The following CLVS2 variants were observed in gnomAD, a reference collection of about 807,000 sequenced individuals.
CLVS2 encodes clavesin-2.
Under a neutral mutation model 29.0 loss-of-function variants are expected in CLVS2, and 19 were observed. The ratio of observed to expected loss-of-function variants is 0.66; its 90% CI spans 0.46 to 0.96. The LOEUF (loss-of-function observed/expected upper bound fraction) is 0.96. CLVS2 is among the 40% of genes least tolerant of loss of function. The probability of loss-of-function intolerance (pLI) is 0.00; values close to 1 mark genes in which losing one functional copy is unlikely to be tolerated. For missense variants in CLVS2, 294 were observed against 404.1 expected (o/e 0.73, Z 2.34); for synonymous variants, 161 against 151.3 (o/e 1.06, Z -0.47).
chr6:123,053,506 A>G (rs1244576399), intron 4 of CLVS2, among the ~76,000 whole-genome samples: 3 of 152,340 alleles, frequency 2.0e-5, no homozygotes, highest in South Asian at 4.1e-4. Context: ...TTAAAGATAT[A>G]TAAGGACTGG....
chr6:123,022,690 C>T (rs1774940972), intron 3 of CLVS2, among the ~76,000 whole-genome samples: 1 of 151,900 alleles, frequency 6.6e-6, no homozygotes, highest in Non-Finnish European at 1.5e-5. Flanking sequence ...CAAATAAATG[C>T]AACCAGCCTT....
chr6:123,020,999 G>A (rs550614647), intron 3 of CLVS2, among the ~76,000 whole-genome samples: 5 of 148,012 alleles, frequency 3.4e-5, no homozygotes, highest in South Asian at 2.2e-4. Flanking sequence ...CTTTTGTTTC[G>A]TTAGACTCAA....
In CLVS2 at chr6:123,066,776, T is replaced by C. The variant is rs1772863476; in HGVS notation, c.*3015T>C. ...AACGTTACTGGCATATGGATTTTATTTGTACTCTCTTCCAAAAAGTAAATA... is the reference window on the plus strand; with the variant it reads ...AACGTTACTGGCATATGGATTTTATCTGTACTCTCTTCCAAAAAGTAAATA... On this transcript the variant is annotated 3_prime_UTR_variant, in exon 6 of 6. Transcript: ENST00000275162. 1 of 151,760 alleles carries C rather than the reference T, an allele frequency of 6.6e-6. No individual in the cohort carries two copies. The highest frequency in any genetic ancestry group is 2.4e-5 in the African/African-American group (1 of 41,418). 9.4% of individuals were successfully genotyped at this position (151,760 alleles called of 1,614,324 possible). A position where few individuals can be genotyped will look rare whatever the true frequency, so the allele number is the denominator to read the frequency against.
intron 3 of CLVS2, among the ~76,000 whole-genome samples, chr6:123,038,696 T>A (rs1421461342): frequency 6.6e-6 from 1 of 152,148 alleles, no homozygotes; most frequent in South Asian, 2.1e-4. Context: ...ATATTGTATA[T>A]TGATTTTTTT....
At chr6:123,042,730 C>CA (rs1775250759) in intron 3 of CLVS2, among the ~76,000 whole-genome samples, 1 of 152,112 alleles carries the variant, frequency 6.6e-6, no homozygotes, top group African/African-American at 2.4e-5. Context: ...GTCAGGAAGG[C>CA]AAGTGAATGG....
Position 122,996,534 on chromosome 6 carries a change from G to A in CLVS2, c.-772G>A, listed in dbSNP as rs1210171849. 6.5e-6 allele frequency: 1 copy of A among 152,834 alleles called. No individual in the cohort carries two copies. The highest frequency in any genetic ancestry group is 1.5e-5 in the Non-Finnish European group (1 of 68,216). 9.5% of individuals were successfully genotyped at this position (152,834 alleles called of 1,614,324 possible). ...CTGCGATCCTCACCCCTCCTGCTAG[G>A]AGAGGCTGCGGGCTGCCCGCGGACG... On this transcript the variant is annotated 5_prime_UTR_variant, in exon 1 of 6. Transcript: ENST00000275162.
chr6:123,008,368 G>T (rs1430699442), intron 2 of CLVS2, among the ~76,000 whole-genome samples: 1 of 152,034 alleles, frequency 6.6e-6, no homozygotes, highest in Admixed American at 6.6e-5. Context: ...ATAATGATAT[G>T]TGTATCAACG....
chr6:123,005,117 G>A (rs934022025), intron 2 of CLVS2, among the ~76,000 whole-genome samples: 11 of 152,002 alleles, frequency 7.2e-5, no homozygotes, highest in African/African-American at 2.7e-4. Flanking sequence ...AATTTTCTCT[G>A]AGACCCTCTG....
At position 123,063,800 on chromosome 6, in the gene CLVS2, A is replaced by G; in HGVS notation, c.*39A>G. ...TCCCCTTCATGGATTAGAAATGGAA[A>G]GTATTGGTTTTCAGCAACAGGGACA... On this transcript the variant is annotated 3_prime_UTR_variant, in exon 6 of 6. Transcript: ENST00000275162. 1 of 1,411,328 alleles carries G rather than the reference A, an allele frequency of 7.1e-7. No individual in the cohort carries two copies. The highest frequency in any genetic ancestry group is 1.4e-5 in the African/African-American group (1 of 70,952). The allele number at this position is 1,411,328 out of a possible 1,614,324, so 87.4% of individuals were successfully genotyped here.
chr6:123,009,693 G>A (rs1226954391), intron 2 of CLVS2, among the ~76,000 whole-genome samples: 4 of 151,992 alleles, frequency 2.6e-5, no homozygotes, highest in Non-Finnish European at 5.9e-5. Flanking sequence ...TCTCCTGAGT[G>A]TGTCCGGGGA....
Position 123,011,212 on chromosome 6 carries a change from G to T in CLVS2, c.564+53G>T, listed in dbSNP as rs112239248. Reference sequence around the variant, plus strand: ...TGGTCTCTTGTGTTTGACTTCTCTTGTCTAATGTGTTAGAATGAAAAAATG... The same window carrying T: ...TGGTCTCTTGTGTTTGACTTCTCTTTTCTAATGTGTTAGAATGAAAAAATG... On this transcript the variant is annotated intron_variant, in intron 3 of 5. Coordinates refer to ENST00000275162, the MANE Select transcript of CLVS2 (RefSeq NM_001010852.4). The T allele has an allele frequency of 3.1e-6, 4 of 1,310,728 alleles. No individual in the cohort carries two copies. In the South Asian group the frequency reaches 6.9e-5, roughly 22 times the overall value. 81.2% of individuals were successfully genotyped at this position (1,310,728 alleles called of 1,614,324 possible).
At chr6:123,002,493 A>T (rs1383639073) in intron 2 of CLVS2, among the ~76,000 whole-genome samples, 1 of 152,142 alleles carries the variant, frequency 6.6e-6, no homozygotes, top group African/African-American at 2.4e-5. Context: ...TATGGTGATG[A>T]TAACTTACAA....
chr6:123,021,038 A>G (rs927919948), intron 3 of CLVS2, among the ~76,000 whole-genome samples: 17 of 137,304 alleles, frequency 1.2e-4, no homozygotes, highest in African/African-American at 4.8e-4. Context: ...TTGTTCACTT[A>G]TCTGAAAGAG....
rs1774535427 is a variant in CLVS2, at chr6:122,997,907, A to G, written c.130A>G (p.Ile44Val). ...GGATATGGTCATCACCAGGCCGGAC[A>G]TTGGCTTTCTGCGCACGGATGATGC... Reference protein sequence around the residue: ...VRDMVITRPDIGFLRTDDAFI... With the variant: ...VRDMVITRPDVGFLRTDDAFI... The change falls in exon 2 of 6, where the codon ATT (isoleucine) becomes GTT (valine). Residue 44 changes from isoleucine to valine, a missense_variant. Around this residue, in one of 2 missense-constraint regions of CLVS2, gnomAD observed 212 missense variants for 336.4 expected, o/e 0.63. Transcript: ENST00000275162. 1.2e-6 allele frequency: 2 copies of G among 1,614,074 alleles called. No homozygotes were observed. The highest frequency in any genetic ancestry group is 1.7e-5 in the Admixed American group (1 of 60,012).
chr6:123,035,685 T>C (rs553002281), intron 3 of CLVS2, among the ~76,000 whole-genome samples: 7 of 152,280 alleles, frequency 4.6e-5, no homozygotes, highest in African/African-American at 1.7e-4. Context: ...CCAGGTTTTT[T>C]TTCTAGTGTC....
chr6:123,044,677 A>T (rs1272684205), intron 3 of CLVS2, among the ~76,000 whole-genome samples: 3 of 151,422 alleles, frequency 2.0e-5, no homozygotes, highest in Non-Finnish European at 4.4e-5. Context: ...GTAAATCTGC[A>T]TTTGTCTCGG....
intron 2 of CLVS2, among the ~76,000 whole-genome samples, chr6:123,003,938 G>T (rs1012685576): frequency 6.6e-6 from 1 of 152,102 alleles, no homozygotes; most frequent in Non-Finnish European, 1.5e-5. Flanking sequence ...CATACAACTG[G>T]TAAGTGAATT....
chr6:123,010,663 C>T (rs968672489), intron 2 of CLVS2, among the ~76,000 whole-genome samples: 20 of 151,924 alleles, frequency 1.3e-4, no homozygotes, highest in Non-Finnish European at 1.2e-4. Flanking sequence ...CATTCTTGAA[C>T]CACTTAAAAC....
intron 3 of CLVS2, among the ~76,000 whole-genome samples, chr6:123,031,763 C>G (rs1037412639): frequency 6.6e-6 from 1 of 150,974 alleles, no homozygotes; most frequent in African/African-American, 2.4e-5. Flanking sequence ...GCTAAGACAC[C>G]CAGGGATGTA....
Sources: gnomAD v4.1 joint callset for allele counts (sites outside exome capture counted in the v4.1 genomes callset) on GRCh38, gnomAD v4.1.1 for gene constraint, gnomAD v4.1.1 regional missense constraint, MANE v1.5 for transcripts, NCBI Gene and HGNC (gene_info 2026-07-23, HGNC 2026-07-21) for gene names.